Variants in PRRG1 observed in about 807,000 individuals in gnomAD.
The protein encoded by PRRG1 is transmembrane gamma-carboxyglutamic acid protein 1.
In PRRG1, 5 loss-of-function variants were observed where a neutral mutation model predicts 11.8. That is an observed-to-expected ratio of 0.42 (90% CI 0.22 to 0.89). The LOEUF is 0.89. Ranked by LOEUF, PRRG1 falls within the 40% of genes least tolerant of loss-of-function variation. The pLI, the probability that PRRG1 is intolerant of heterozygous loss-of-function variation, is 0.28. For synonymous variants in PRRG1, 66 were observed against 60.4 expected (o/e 1.09, Z -0.43); for missense variants, 155 against 166.1 (o/e 0.93, Z 0.37).
intron 3 of PRRG1, among the ~76,000 whole-genome samples, chrX:37,440,069 G>A (rs1157699678): frequency 1.8e-5 from 2 of 110,746 alleles, no homozygotes; most frequent in East Asian, 5.6e-4. Flanking sequence ...CAAAGTGCTC[G>A]GGTTACAGGC....
intron 1 of PRRG1, among the ~76,000 whole-genome samples, chrX:37,405,148 T>A (rs1280894678): frequency 5.3e-5 from 6 of 112,234 alleles, no homozygotes; most frequent in African/African-American, 1.6e-4. Flanking sequence ...ACCTTCTTTA[T>A]CTGGTACTAG....
chrX:37,392,269 G>A (rs1161752143), intron 1 of PRRG1, among the ~76,000 whole-genome samples: 1 of 110,935 alleles, frequency 9.0e-6, no homozygotes, highest in Non-Finnish European at 1.9e-5. Context: ...GTAGAGTTGG[G>A]TAGTTACAAC....
chrX:37,355,173 C>T (rs1930199161), intron 1 of PRRG1, among the ~76,000 whole-genome samples: 1 of 111,368 alleles, frequency 9.0e-6, no homozygotes, highest in African/African-American at 3.3e-5. Flanking sequence ...ACCACCTCAG[C>T]CTCCCAAAGT....
intron 2 of PRRG1, among the ~76,000 whole-genome samples, chrX:37,424,872 C>T (rs933184874): frequency 3.6e-5 from 4 of 111,195 alleles, no homozygotes; most frequent in Non-Finnish European, 7.6e-5. Context: ...TTTTCATTTC[C>T]TTCAAAATGT....
intron 1 of PRRG1, among the ~76,000 whole-genome samples, chrX:37,398,727 CT>C (rs1556379109): frequency 1.8e-5 from 2 of 111,755 alleles, no homozygotes; most frequent in Non-Finnish European, 3.8e-5. Context: ...AAGTTAAAAA[CT>C]TTGAAAAAAA....
At chrX:37,418,319 A>G (rs1556385845) in intron 2 of PRRG1, among the ~76,000 whole-genome samples, 1 of 112,262 alleles carries the variant, frequency 8.9e-6, no homozygotes, top group East Asian at 2.8e-4. Context: ...TCATGTGACA[A>G]ACAGAAGGCT....
At chrX:37,385,749 A>C (rs1387637362) in intron 1 of PRRG1, among the ~76,000 whole-genome samples, 2 of 108,454 alleles carry the variant, frequency 1.8e-5, no homozygotes, top group Non-Finnish European at 3.8e-5. Context: ...ATCTGCTTCC[A>C]AGATGGCTTC....
chrX:37,440,525 G>T (rs1932955815), intron 3 of PRRG1, among the ~76,000 whole-genome samples: 1 of 111,641 alleles, frequency 9.0e-6, no homozygotes, highest in Non-Finnish European at 1.9e-5. Context: ...TATAAGCCTA[G>T]AGTAATGTTT....
intron 1 of PRRG1, among the ~76,000 whole-genome samples, chrX:37,371,414 A>G (rs1930759055): frequency 8.9e-6 from 1 of 112,250 alleles, no homozygotes; most frequent in Admixed American, 9.4e-5. Context: ...TCCTGGATAA[A>G]GGACAAGAAC....
At chrX:37,388,246 T>G (rs1307094308) in intron 1 of PRRG1, among the ~76,000 whole-genome samples, 1 of 112,235 alleles carries the variant, frequency 8.9e-6, no homozygotes, top group East Asian at 2.8e-4. Context: ...TGCCAGTGGA[T>G]CTACCATTCT....
At chrX:37,354,829 T>G (rs912267319) in intron 1 of PRRG1, among the ~76,000 whole-genome samples, 13 of 111,843 alleles carry the variant, frequency 1.2e-4, no homozygotes, top group African/African-American at 4.2e-4. Context: ...ATTGTTGGTT[T>G]AATTATACTT....
intron 3 of PRRG1, among the ~76,000 whole-genome samples, chrX:37,432,279 GC>G (rs1203319746): frequency 1.9e-5 from 2 of 104,104 alleles, no homozygotes; most frequent in African/African-American, 7.9e-5. Flanking sequence ...AGTAGAGACG[GC>G]TTTCACCCTG....
At chrX:37,398,219 G>A (rs1429476146) in intron 1 of PRRG1, among the ~76,000 whole-genome samples, 1 of 111,368 alleles carries the variant, frequency 9.0e-6, no homozygotes, top group Non-Finnish European at 1.9e-5. Context: ...GCCTAACTGG[G>A]AGGCACCCCC....
intron 2 of PRRG1, among the ~76,000 whole-genome samples, chrX:37,420,604 G>A (rs1364988421): frequency 2.9e-5 from 3 of 104,926 alleles, no homozygotes; most frequent in Non-Finnish European, 5.8e-5. Context: ...AGGCCAAGGT[G>A]GGAAGATGGC....
intron 1 of PRRG1, among the ~76,000 whole-genome samples, chrX:37,403,292 A>G (rs1431786258): frequency 1.8e-5 from 2 of 109,999 alleles, no homozygotes; most frequent in South Asian, 4.0e-4. Flanking sequence ...ATGGAATACT[A>G]TGCAGCCATA....
chrX:37,438,671 A>C (rs995550087), intron 3 of PRRG1, among the ~76,000 whole-genome samples: 12 of 111,189 alleles, frequency 1.1e-4, no homozygotes, highest in African/African-American at 3.9e-4. Context: ...TCCTGACCTC[A>C]GGTGACCCAC....
intron 2 of PRRG1, among the ~76,000 whole-genome samples, chrX:37,417,690 A>G (rs1216365992): frequency 1.8e-5 from 2 of 111,543 alleles, no homozygotes; most frequent in Non-Finnish European, 3.8e-5. Flanking sequence ...TCAGTCTGTG[A>G]TAAGAAGTAC....
At chrX:37,440,683 T>A (rs1932958312) in intron 3 of PRRG1, 13 of 474,913 alleles carry the variant, frequency 2.7e-5, no homozygotes, top group Non-Finnish European at 4.8e-5. Flanking sequence ...TTAATAAAAA[T>A]TATAATTCCC....
chrX:37,382,415 AGC>A (rs1556373980), intron 1 of PRRG1, among the ~76,000 whole-genome samples: 5 of 111,244 alleles, frequency 4.5e-5, no homozygotes, highest in Non-Finnish European at 7.6e-5. Context: ...AGATATACAC[AGC>A]TATGTGTATA....
Sources: gnomAD v4.1 joint callset for allele counts (sites outside exome capture counted in the v4.1 genomes callset) on GRCh38, gnomAD v4.1.1 for gene constraint, MANE v1.5 for transcripts, NCBI Gene and HGNC (gene_info 2026-07-23, HGNC 2026-07-21) for gene names.